The following KIZ variants were observed in gnomAD, a reference collection of about 807,000 sequenced individuals.
KIZ encodes kizuna centrosomal protein, also known as centrosomal protein kizuna.
A neutral mutation model predicts 79.6 loss-of-function variants in KIZ; 68 were observed. The ratio of observed to expected loss-of-function variants is 0.85; its 90% CI spans 0.70 to 1.05. KIZ has a LOEUF of 1.05. KIZ is among the 50% of genes least tolerant of loss of function. The pLI is 0.00. For synonymous variants in KIZ, 280 were observed against 281.8 expected, an observed-to-expected ratio of 0.99 and a Z score of 0.06; for missense variants, 797 against 800.4, an observed-to-expected ratio of 1.00 and a Z score of 0.05.
At chr20:21,222,564 G>A (rs962833016) in intron 9 of KIZ, among the ~76,000 whole-genome samples, 2 of 152,146 alleles carry the variant, frequency 1.3e-5, no homozygotes, top group African/African-American at 4.8e-5. Context: ...TTTTCCTAGG[G>A]CTGTTGTAAC....
intron 6 of KIZ, among the ~76,000 whole-genome samples, chr20:21,171,637 G>T (rs2034209850): frequency 6.6e-6 from 1 of 152,070 alleles, no homozygotes; most frequent in African/African-American, 2.4e-5. Context: ...TAGAGATAGG[G>T]TTTCACCATG....
At chr20:21,159,404 C>T (rs931781663) in intron 4 of KIZ, among the ~76,000 whole-genome samples, 5 of 151,864 alleles carry the variant, frequency 3.3e-5, no homozygotes, top group Admixed American at 6.6e-5. Flanking sequence ...TTCAGAGTTG[C>T]GCAGCCATAA....
intron 12 of KIZ, 191 bp downstream of exon 12, chr20:21,244,479 CGGGTGCCATGGACCACAG>C: frequency 1.7e-6 from 1 of 596,310 alleles, no homozygotes; most frequent in South Asian, 2.2e-5. Flanking sequence ...CAGGACCACA[CGGGTGCCATGGACCACAG>C]GGGCAGAGCA....
chr20:21,226,523 T>C (rs1444646153), intron 9 of KIZ, among the ~76,000 whole-genome samples: 3 of 152,088 alleles, frequency 2.0e-5, no homozygotes, highest in Admixed American at 6.5e-5. Flanking sequence ...TCTGACTAAA[T>C]AGGGGGGTGA....
intron 11 of KIZ, among the ~76,000 whole-genome samples, chr20:21,234,872 T>C (rs1214121642): frequency 2.0e-5 from 3 of 152,148 alleles, no homozygotes; most frequent in Non-Finnish European, 4.4e-5. Flanking sequence ...GATTTTACTT[T>C]AAAGCAGCGG....
At chr20:21,145,712 C>A in intron 4 of KIZ, 58 bp downstream of exon 4, 1 of 651,028 alleles carries the variant, frequency 1.5e-6, no homozygotes, top group Non-Finnish European at 2.6e-6. Context: ...GTGTTTATAT[C>A]TTGAGATATT....
At chr20:21,213,250 T>TCCGGGCCTTCTTA (rs1301271435) in intron 7 of KIZ, among the ~76,000 whole-genome samples, 1 of 152,134 alleles carries the variant, frequency 6.6e-6, no homozygotes, top group Non-Finnish European at 1.5e-5. Flanking sequence ...AGACCTTCTG[T>TCCGGGCCTTCTTA]CCGGGCCTTC....
At chr20:21,174,504 C>A (rs1317705603) in intron 6 of KIZ, among the ~76,000 whole-genome samples, 1 of 152,064 alleles carries the variant, frequency 6.6e-6, no homozygotes, top group Non-Finnish European at 1.5e-5. Flanking sequence ...AAATTAAATT[C>A]TTTAATTAGA....
intron 7 of KIZ, among the ~76,000 whole-genome samples, chr20:21,207,805 G>A (rs1240571993): frequency 6.6e-6 from 1 of 152,056 alleles, no homozygotes; most frequent in South Asian, 2.1e-4. Context: ...CTGCCTCCTG[G>A]GTTCAAGCAA....
At chr20:21,206,196 A>G (rs1324074391) in intron 7 of KIZ, among the ~76,000 whole-genome samples, 2 of 152,200 alleles carry the variant, frequency 1.3e-5, no homozygotes, top group Non-Finnish European at 2.9e-5. Flanking sequence ...ATAGTCATTC[A>G]TGTCAATTCA....
intron 7 of KIZ, 74 bp downstream of exon 7, chr20:21,205,658 T>A (rs1390247506): frequency 1.6e-4 from 82 of 499,302 alleles, no homozygotes; most frequent in South Asian, 4.6e-4. Context: ...AATTTTTATT[T>A]AAAAAAAAAA....
At chr20:21,144,431 A>G (rs1316581367) in intron 3 of KIZ, among the ~76,000 whole-genome samples, 11 of 152,188 alleles carry the variant, frequency 7.2e-5, no homozygotes, top group Admixed American at 6.5e-4. Context: ...GTTCAGAGGA[A>G]TAGATATGGA....
chr20:21,226,564 C>T (rs997656505), intron 9 of KIZ, among the ~76,000 whole-genome samples: 1 of 152,200 alleles, frequency 6.6e-6, no homozygotes, highest in Non-Finnish European at 1.5e-5. Flanking sequence ...ATCTCCCATG[C>T]ATCTGATCCA....
chr20:21,136,556 A>T lies in KIZ; in HGVS notation c.315+4A>T. 1.3e-6 allele frequency: 2 copies of T among 1,533,022 alleles called. No individual in the cohort carries two copies. Among genetic ancestry groups the T allele is most frequent in the South Asian group, 1.3e-5 (1 of 79,276 alleles). The allele number at this position is 1,533,022 out of a possible 1,614,324, so 95.0% of individuals were successfully genotyped here. A position where few individuals can be genotyped will look rare whatever the true frequency, so the allele number is the denominator to read the frequency against. On this transcript the variant is annotated splice_donor_region_variant and intron_variant, in intron 3 of 12. Transcript: ENST00000619189. Reference sequence around the variant, plus strand: ...AGAGAAGCTTCAAAAACTGAAGGTGACTTCCTGTTTTTTACTGTGTTTTAT... The same window carrying T: ...AGAGAAGCTTCAAAAACTGAAGGTGTCTTCCTGTTTTTTACTGTGTTTTAT...
chr20:21,180,634 G>A (rs1434203977), intron 6 of KIZ, among the ~76,000 whole-genome samples: 2 of 152,168 alleles, frequency 1.3e-5, no homozygotes, highest in Admixed American at 6.5e-5. Context: ...TCAGAAGTTA[G>A]AGAGGAGACT....
chr20:21,215,582 G>A lies in KIZ; in HGVS notation c.1613-1G>A, dbSNP rs1270017793. The A allele has an allele frequency of 1.9e-6, 3 of 1,580,692 alleles. No homozygotes were observed. Among genetic ancestry groups the A allele is most frequent in the Non-Finnish European group, 2.6e-6 (3 of 1,155,050 alleles). Reference sequence around the variant, plus strand: ...TTTTTTATTATGCATTCAATTTTTAGAAGTTTCAAGTGGCTGTGGAGACAA... The same window carrying A: ...TTTTTTATTATGCATTCAATTTTTAAAAGTTTCAAGTGGCTGTGGAGACAA... On this transcript the variant is annotated splice_acceptor_variant, in intron 8 of 12. Transcript: ENST00000619189. LOFTEE classifies it high-confidence loss of function.
intron 9 of KIZ, 29 bp from the exon 10 acceptor site, chr20:21,228,982 A>C (rs780439194): frequency 3.9e-6 from 5 of 1,293,794 alleles, no homozygotes; most frequent in South Asian, 1.3e-5. Context: ...AAAAAATGTA[A>C]TATTTCTGTG....
rs555781051 is a variant in KIZ at position 21,147,023 on chromosome 20, A to G, written c.405+1369A>G. Among the ~76,000 whole-genome samples the G allele has an allele frequency of 1.4e-4, 22 of 152,350 alleles. No homozygotes were observed. The South Asian group carries it at 3.3e-3, about 23-fold the overall frequency. On this transcript the variant is annotated intron_variant, in intron 4 of 12. Transcript: ENST00000619189. ...CAGTTTTTCTATTTGATATTCGGTC[A>G]TGAAATAATTGATGTGTTTTAATCT...
At chr20:21,173,212 T>C (rs1458426863) in intron 6 of KIZ, among the ~76,000 whole-genome samples, 1 of 152,148 alleles carries the variant, frequency 6.6e-6, no homozygotes, top group African/African-American at 2.4e-5. Flanking sequence ...GAGGTGCTGT[T>C]GCTTTGGACT....
Sources: allele counts gnomAD v4.1 joint callset (sites outside exome capture counted in the v4.1 genomes callset), GRCh38; gene constraint gnomAD v4.1.1; transcripts MANE v1.5; gene names NCBI Gene and HGNC (gene_info 2026-07-23, HGNC 2026-07-21).